NF1: variants seen among roughly 807,000 people sequenced by gnomAD.
NF1 encodes the protein neurofibromin 1.
A neutral mutation model predicts 325.7 loss-of-function variants in NF1; 122 were observed. The ratio of observed to expected loss-of-function variants is 0.37; its 90% CI spans 0.32 to 0.44. The LOEUF is 0.44. NF1 is among the 20% of genes least tolerant of loss of function. The probability of loss-of-function intolerance (pLI) is 1.00; values close to 1 mark genes in which losing one functional copy is unlikely to be tolerated. For synonymous variants in NF1, 1,091 were observed against 1,186.0 expected (o/e 0.92, Z 1.65); for missense variants, 2,140 against 3,415.4 (o/e 0.63, Z 9.31).
chr17:31,251,955 G>A (rs1674153201), intron 30 of NF1: 2 of 214,482 alleles, frequency 9.3e-6, no homozygotes, highest in Non-Finnish European at 1.9e-5. Context: ...TCTATTTGTG[G>A]ATTAAATAAT....
chr17:31,343,033 A>C lies in NF1; in HGVS notation c.7087A>C (p.Ile2363Leu). The change falls in exon 48 of 58, where the codon ATC becomes CTC. Residue 2363 changes from isoleucine (I) to leucine (L), a missense_variant. Transcript: ENST00000358273. ...DKSPEEVFMA[I>L]RNPLEWHCKQ... is the part of the protein sequence containing the mutation. ...GAGTCCAGAGGAAGTATTTATGGCA[A>C]TCCGGAATCCTCTGGAGTGGCACTG... The C allele has an allele frequency of 6.2e-7, 1 of 1,614,112 alleles. No homozygotes were observed. Among genetic ancestry groups the C allele is most frequent in the Non-Finnish European group, 8.5e-7 (1 of 1,179,990 alleles).
intron 36 of NF1, among the ~76,000 whole-genome samples, chr17:31,271,531 C>A (rs138736361): frequency 6.6e-6 from 1 of 152,180 alleles, no homozygotes; most frequent in African/African-American, 2.4e-5. Flanking sequence ...GCGGGTAGAT[C>A]CCCTGAAGTC....
chr17:31,356,894 A>G (rs2151581882), intron 52 of NF1, 66 bp from the exon 53 acceptor site: 2 of 1,598,246 alleles, frequency 1.3e-6, no homozygotes, highest in Admixed American at 1.7e-5. Flanking sequence ...TAGAAGTAAC[A>G]TTGAAATAGT....
At chr17:31,163,561 A>G (rs2065799239) in intron 4 of NF1, among the ~76,000 whole-genome samples, 185 bp downstream of exon 4, 1 of 152,178 alleles carries the variant, frequency 6.6e-6, no homozygotes, top group African/African-American at 2.4e-5. Flanking sequence ...CAGCCTCCAG[A>G]GAAATGAGTT....
intron 1 of NF1, chr17:31,128,498 C>G (rs1475915786): frequency 6.6e-6 from 1 of 152,044 alleles, no homozygotes; most frequent in African/African-American, 2.4e-5. Flanking sequence ...CTTTCAGGAG[C>G]TCTCGTAAGG....
intron 8 of NF1, chr17:31,183,091 CA>C (rs2066167645): frequency 2.6e-6 from 1 of 383,634 alleles, no homozygotes; most frequent in Non-Finnish European, 4.6e-6. Flanking sequence ...TATTTTAGAA[CA>C]GTTTTCAAAG....
intron 51 of NF1, 97 bp from the exon 52 acceptor site, chr17:31,356,363 C>A: frequency 7.5e-7 from 1 of 1,337,090 alleles, no homozygotes; most frequent in Non-Finnish European, 1.1e-6. Context: ...TCAGTGAAAG[C>A]TTAAACACTT....
At chr17:31,128,020 C>T (rs1915031128) in intron 1 of NF1, among the ~76,000 whole-genome samples, 1 of 151,956 alleles carries the variant, frequency 6.6e-6, no homozygotes, top group Admixed American at 6.6e-5. Flanking sequence ...CAGTTCACTG[C>T]AGCCTTGATC....
intron 3 of NF1, among the ~76,000 whole-genome samples, chr17:31,162,507 T>C (rs567297852): frequency 2.0e-5 from 3 of 152,270 alleles, no homozygotes; most frequent in South Asian, 2.1e-4. Flanking sequence ...CCTTATTGAA[T>C]AAAAATGCCT....
chr17:31,257,675 T>A (rs2067606555), intron 31 of NF1: 1 of 152,162 alleles, frequency 6.6e-6, no homozygotes, highest in South Asian at 2.1e-4. Flanking sequence ...GTGAGATCCT[T>A]TTTTCTTTTA....
At chr17:31,261,901 G>A in intron 35 of NF1, 44 bp downstream of exon 35, 1 of 1,606,594 alleles carries the variant, frequency 6.2e-7, no homozygotes, top group Non-Finnish European at 8.5e-7. Flanking sequence ...CTTTTTGGTT[G>A]AGAAGGAGAG....
intron 36 of NF1, among the ~76,000 whole-genome samples, chr17:31,303,010 G>A (rs903722590): frequency 6.6e-6 from 1 of 152,186 alleles, no homozygotes; most frequent in Non-Finnish European, 1.5e-5. Context: ...TGGCTTGAAA[G>A]ATTTTAGGAA....
In NF1 at chr17:31,156,051, A is replaced by G. The variant is rs759576680; in HGVS notation, c.129A>G (p.Leu43=). The G allele has an allele frequency of 1.9e-6, 3 of 1,613,702 alleles. No individual in the cohort carries two copies. In the Admixed American group the frequency reaches 5.0e-5, roughly 27 times the overall value. Residue 43 remains leucine (L), a synonymous_variant, in exon 2 of 58, where the codon CTA becomes CTG. Coordinates refer to ENST00000358273, the MANE Select transcript of NF1 (RefSeq NM_001042492.3). ...KVSTEHNKEC[L]INISKYKFSL... ...GTACTGAGCACAACAAGGAATGTCT[A>G]ATCAATATTTCCAAATACAAGTTTT...
At chr17:31,110,390 T>C (rs1913294590) in intron 1 of NF1, among the ~76,000 whole-genome samples, 1 of 152,154 alleles carries the variant, frequency 6.6e-6, no homozygotes, top group Non-Finnish European at 1.5e-5. Flanking sequence ...AAAAGGAAAC[T>C]AGAGAGGAAG....
chr17:31,282,381 CAAAAAAAA>C (rs35267324), intron 36 of NF1, among the ~76,000 whole-genome samples: 1 of 99,016 alleles, frequency 1.0e-5, no homozygotes, highest in African/African-American at 3.4e-5. Flanking sequence ...GATTCCATCT[CAAAAAAAA>C]AAAAAAAAAA....
intron 7 of NF1, among the ~76,000 whole-genome samples, 181 bp downstream of exon 7, chr17:31,181,966 C>T (rs530434154): frequency 2.3e-4 from 35 of 152,278 alleles, no homozygotes; most frequent in African/African-American, 7.9e-4. Flanking sequence ...AGGCCCAACC[C>T]TCTTCCTTTC....
intron 36 of NF1, among the ~76,000 whole-genome samples, chr17:31,293,596 T>C (rs1367504327): frequency 6.6e-6 from 1 of 152,226 alleles, no homozygotes; most frequent in Non-Finnish European, 1.5e-5. Context: ...AGAGTGTTGT[T>C]ACTTTTCTCT....
chr17:31,340,706 C>T (rs2151562286), intron 47 of NF1, 61 bp downstream of exon 47: 3 of 1,539,560 alleles, frequency 1.9e-6, no homozygotes, highest in Non-Finnish European at 2.7e-6. Context: ...TCCATCTTTT[C>T]TTGTTGCTAT....
intron 29 of NF1, among the ~76,000 whole-genome samples, chr17:31,242,930 C>G (rs2067325468): frequency 6.6e-6 from 1 of 152,148 alleles, no homozygotes; most frequent in African/African-American, 2.4e-5. Flanking sequence ...ACCCACCCTT[C>G]TGGGGAAGGC....
Sources: allele counts gnomAD v4.1 joint callset (sites outside exome capture counted in the v4.1 genomes callset), GRCh38; gene constraint gnomAD v4.1.1; transcripts MANE v1.5; gene names NCBI Gene and HGNC (gene_info 2026-07-23, HGNC 2026-07-21).